Variants in HAPLN1 observed in about 807,000 individuals in gnomAD.
The protein encoded by HAPLN1 is hyaluronan and proteoglycan link protein 1.
A neutral mutation model predicts 36.5 loss-of-function variants in HAPLN1; 13 were observed. The ratio of observed to expected loss-of-function variants is 0.36; its 90% CI spans 0.23 to 0.57. The LOEUF is 0.57. HAPLN1 is among the 20% of genes least tolerant of loss of function. The probability of loss-of-function intolerance (pLI) is 0.83; values close to 1 mark genes in which losing one functional copy is unlikely to be tolerated. For missense variants in HAPLN1, 407 were observed against 439.7 expected, an observed-to-expected ratio of 0.93 and a Z score of 0.66; for synonymous variants, 202 against 169.8, an observed-to-expected ratio of 1.19 and a Z score of -1.48.
intron 1 of HAPLN1, among the ~76,000 whole-genome samples, chr5:83,718,295 C>G (rs924719482): frequency 4.6e-5 from 7 of 152,162 alleles, no homozygotes; most frequent in African/African-American, 1.7e-4. Flanking sequence ...GAGCACCTAT[C>G]CCAATGTCTG....
At chr5:83,667,038 C>G (rs916461610) in intron 2 of HAPLN1, among the ~76,000 whole-genome samples, 1 of 152,156 alleles carries the variant, frequency 6.6e-6, no homozygotes, top group Non-Finnish European at 1.5e-5. Context: ...TAATGACTGT[C>G]TCTCTCACTA....
At chr5:83,656,984 T>A (rs1750234964) in intron 2 of HAPLN1, among the ~76,000 whole-genome samples, 1 of 152,194 alleles carries the variant, frequency 6.6e-6, no homozygotes, top group African/African-American at 2.4e-5. Flanking sequence ...CTATTGTTCT[T>A]AGTCCTATTA....
chr5:83,668,390 C>T (rs539710197), intron 2 of HAPLN1, among the ~76,000 whole-genome samples: 1 of 152,274 alleles, frequency 6.6e-6, no homozygotes, highest in East Asian at 1.9e-4. Context: ...GATAAACGGA[C>T]TTTTATCAGC....
intron 1 of HAPLN1, among the ~76,000 whole-genome samples, chr5:83,714,981 G>T (rs976837728): frequency 3.3e-5 from 5 of 152,226 alleles, no homozygotes; most frequent in Non-Finnish European, 7.3e-5. Flanking sequence ...GGAAGAACAG[G>T]TTGATCAGGC....
chr5:83,714,004 A>G (rs1751855400), intron 1 of HAPLN1, among the ~76,000 whole-genome samples: 1 of 152,212 alleles, frequency 6.6e-6, no homozygotes, highest in Non-Finnish European at 1.5e-5. Flanking sequence ...GAAGAGACAT[A>G]AGGAAACAAA....
intron 3 of HAPLN1, among the ~76,000 whole-genome samples, chr5:83,651,755 A>G (rs1203464708): frequency 1.3e-5 from 2 of 152,184 alleles, no homozygotes; most frequent in Middle Eastern, 3.2e-3. Flanking sequence ...TCCATGAGAA[A>G]CTAAGGAGAG....
At chr5:83,652,018 C>A (rs972781329) in intron 3 of HAPLN1, 1 of 164,704 alleles carries the variant, frequency 6.1e-6, no homozygotes, top group East Asian at 1.7e-4. Flanking sequence ...GTTTTGCAGT[C>A]ATTTTACAGA....
At chr5:83,708,558 T>C (rs920442297) in intron 1 of HAPLN1, among the ~76,000 whole-genome samples, 2 of 152,022 alleles carry the variant, frequency 1.3e-5, no homozygotes, top group African/African-American at 4.8e-5. Context: ...ATGGGGTCTG[T>C]TGAGGGTGGA....
chr5:83,673,277 A>T (rs1750773938), intron 2 of HAPLN1, 147 bp downstream of exon 2: 2 of 588,478 alleles, frequency 3.4e-6, no homozygotes, highest in Non-Finnish European at 5.9e-6. Flanking sequence ...AGTGTTTAAA[A>T]GCCAGGGAAC....
intron 1 of HAPLN1, chr5:83,682,425 T>G (rs1367838553): frequency 6.6e-6 from 1 of 152,198 alleles, no homozygotes; most frequent in Non-Finnish European, 1.5e-5. Context: ...AGTTTTATGA[T>G]CATCGATTTA....
Position 83,672,920 on chromosome 5 carries a change from T to G in HAPLN1, c.100+504A>C, listed in dbSNP as rs916758323. ...GAATCAGCTGAGCTGAACAGAAATGTGCAGGGGCAATGTATTGGTCTATAG... is the reference window on the plus strand; with the variant it reads ...GAATCAGCTGAGCTGAACAGAAATGGGCAGGGGCAATGTATTGGTCTATAG... On this transcript the variant is annotated intron_variant, in intron 2 of 4. Coordinates refer to ENST00000274341, the MANE Select transcript of HAPLN1 (RefSeq NM_001884.4). 5.3e-5 allele frequency among the ~76,000 whole-genome samples: 8 copies of G among 152,330 alleles called. No homozygotes were observed. In the East Asian group the frequency reaches 1.5e-3, roughly 29 times the overall value.
intron 1 of HAPLN1, among the ~76,000 whole-genome samples, chr5:83,699,424 A>T (rs1751458360): frequency 6.6e-6 from 1 of 152,220 alleles, no homozygotes; most frequent in Non-Finnish European, 1.5e-5. Context: ...TTTTACTTCT[A>T]GCAGAAATCT....
rs772948015 is a variant in HAPLN1 at position 83,644,699 on chromosome 5, G to A, written c.473-34C>T. On this transcript the variant is annotated intron_variant, in intron 3 of 4. Transcript: ENST00000274341. ...AGGAGAAAGCAAGGAGTTGTTAGAA[G>A]CCCCAAAACTAACAACTCTGAGCAA... 2.2e-6 allele frequency: 3 copies of A among 1,376,824 alleles called. No homozygotes were observed. In the East Asian group the frequency reaches 8.1e-5, roughly 37 times the overall value. The allele number at this position is 1,376,824 out of a possible 1,614,324, so 85.3% of individuals were successfully genotyped here.
rs934013956 is a variant in HAPLN1, at chr5:83,640,447, T to C, written c.*1049A>G. ...AAACACAGGCACTGGTTGGGTTCTCTCGTGTATATACAAATAGGAATAATA... is the reference window on the plus strand; with the variant it reads ...AAACACAGGCACTGGTTGGGTTCTCCCGTGTATATACAAATAGGAATAATA... On this transcript the variant is annotated 3_prime_UTR_variant, in exon 5 of 5. Coordinates refer to ENST00000274341, the MANE Select transcript of HAPLN1 (RefSeq NM_001884.4). 1 of 152,132 alleles carries C rather than the reference T, an allele frequency of 6.6e-6. No individual in the cohort carries two copies. Among genetic ancestry groups the C allele is most frequent in the South Asian group, 2.1e-4 (1 of 4,828 alleles). The allele number at this position is 152,132 out of a possible 1,614,324, so 9.4% of individuals were successfully genotyped here.
At chr5:83,695,280 C>T (rs1751367586) in intron 1 of HAPLN1, among the ~76,000 whole-genome samples, 1 of 152,130 alleles carries the variant, frequency 6.6e-6, no homozygotes, top group African/African-American at 2.4e-5. Context: ...CACATGCCAC[C>T]ACGCCCAGCT....
intron 2 of HAPLN1, among the ~76,000 whole-genome samples, chr5:83,662,052 G>A (rs530286335): frequency 9.9e-5 from 15 of 152,064 alleles, no homozygotes; most frequent in Admixed American, 2.0e-4. Flanking sequence ...ATAGGCACCC[G>A]CCACCGTGTC....
At chr5:83,686,727 A>G (rs1751137163) in intron 1 of HAPLN1, among the ~76,000 whole-genome samples, 1 of 152,130 alleles carries the variant, frequency 6.6e-6, no homozygotes, top group Non-Finnish European at 1.5e-5. Flanking sequence ...TGGAGGCAGC[A>G]AGTGAATTTA....
At chr5:83,709,708 C>T (rs1261860068) in intron 1 of HAPLN1, among the ~76,000 whole-genome samples, 1 of 152,152 alleles carries the variant, frequency 6.6e-6, no homozygotes, top group Non-Finnish European at 1.5e-5. Context: ...TAATTTGGAC[C>T]TAATTGTCAC....
intron 2 of HAPLN1, among the ~76,000 whole-genome samples, chr5:83,673,085 A>C (rs891100185): frequency 6.6e-6 from 1 of 152,196 alleles, no homozygotes; most frequent in Non-Finnish European, 1.5e-5. Flanking sequence ...TTATATCCTA[A>C]GTTTTACTTC....
Sources: allele counts gnomAD v4.1 joint callset (sites outside exome capture counted in the v4.1 genomes callset), GRCh38; gene constraint gnomAD v4.1.1; transcripts MANE v1.5; gene names NCBI Gene and HGNC (gene_info 2026-07-23, HGNC 2026-07-21).